The following AVL9 variants were observed in gnomAD, a reference collection of about 807,000 sequenced individuals.
The protein encoded by AVL9 is AVL9 cell migration associated.
A neutral mutation model predicts 79.2 loss-of-function variants in AVL9; 49 were observed. That is an observed-to-expected ratio of 0.62 (90% confidence interval 0.49 to 0.79). The LOEUF is 0.79. Ranked by LOEUF, AVL9 falls within the 30% of genes least tolerant of loss-of-function variation. The pLI is 0.00. For missense variants in AVL9, 682 were observed against 776.8 expected (o/e 0.88, Z 1.45); for synonymous variants, 299 against 280.6 (o/e 1.07, Z -0.65).
In AVL9 at chr7:32,558,931, A is replaced by G. The variant is rs765297064; in HGVS notation, c.682A>G (p.Met228Val). 6.4e-7 allele frequency: 1 copy of G among 1,569,456 alleles called. No homozygotes were observed. The highest frequency in any genetic ancestry group is 1.9e-5 in the Admixed American group (1 of 52,232). Residue 228 changes from methionine (M) to valine (V), a missense_variant and splice_region_variant, in exon 10 of 16, where the codon ATG becomes GTG. Transcript: ENST00000318709. Reference sequence around the variant, plus strand: ...TTCTTTGATATTGCATATTTTAGGCATGATTGAACATGGTCTCAGTGACTG... The same window carrying G: ...TTCTTTGATATTGCATATTTTAGGCGTGATTGAACATGGTCTCAGTGACTG... ...LMTVLSLFPG[M>V]IEHGLSDCSQ...
intron 3 of AVL9, among the ~76,000 whole-genome samples, chr7:32,545,939 G>T (rs1234038795): frequency 6.6e-6 from 1 of 152,090 alleles, no homozygotes; most frequent in Non-Finnish European, 1.5e-5. Flanking sequence ...CGCCCCAAAA[G>T]ATTCTGATTT....
intron 1 of AVL9, among the ~76,000 whole-genome samples, chr7:32,521,246 G>A (rs183701637): frequency 3.9e-3 from 592 of 152,294 alleles, no homozygotes; most frequent in Non-Finnish European, 6.5e-3. Context: ...GTAACAGGCA[G>A]AGGTTGGAAC....
rs185750830 is a variant in AVL9 at position 32,548,109 on chromosome 7, A to G, written c.301-738A>G. ...TAACAAAATTGCTGGCAGTTCTTCC[A>G]TCTCTGGAGAACAAGCTGTCTGTTT... On this transcript the variant is annotated intron_variant, in intron 3 of 15. Coordinates refer to ENST00000318709, the MANE Select transcript of AVL9 (RefSeq NM_015060.3). Among the ~76,000 whole-genome samples, 834 of 149,646 alleles carry G rather than the reference A, an allele frequency of 5.6e-3. 3 individuals carry two copies. The highest frequency in any genetic ancestry group is 9.3e-3 in the Non-Finnish European group (627 of 67,474).
In AVL9 at chr7:32,512,382, A is replaced by T. The variant is rs903695729; in HGVS notation, c.93+16580A>T. On this transcript the variant is annotated intron_variant, in intron 1 of 15. Transcript: ENST00000318709. The stretch of plus-strand genomic sequence containing the variant: ...CATTTACCTCACTGTGTGAATGCAC[A>T]TGATTAGAGATGTTACGTTATTTTA... Among the ~76,000 whole-genome samples, 5 of 140,996 alleles carry T rather than the reference A, an allele frequency of 3.5e-5. No homozygotes were observed. In the East Asian group the frequency reaches 6.2e-4, roughly 18 times the overall value. The allele number at this position is 140,996 out of a possible 152,430, so 92.5% of individuals were successfully genotyped here.
intron 1 of AVL9, among the ~76,000 whole-genome samples, chr7:32,525,660 T>G (rs1283606801): frequency 6.6e-6 from 1 of 152,194 alleles, no homozygotes; most frequent in East Asian, 1.9e-4. Context: ...GATTATAAGA[T>G]TATAACTTTT....
At chr7:32,532,684 AT>A (rs1251642539) in intron 1 of AVL9, 1 of 152,226 alleles carries the variant, frequency 6.6e-6, no homozygotes. Flanking sequence ...AACAGCCTTT[AT>A]TCACTTGAAT....
chr7:32,540,938 G>A (rs1480633509), intron 1 of AVL9, among the ~76,000 whole-genome samples: 3 of 123,194 alleles, frequency 2.4e-5, no homozygotes, highest in Non-Finnish European at 4.8e-5. Flanking sequence ...TCGCTCTGTC[G>A]CCCAGGCTGG....
At chr7:32,573,450 G>A in intron 12 of AVL9, 32 bp downstream of exon 12, 1 of 1,554,946 alleles carries the variant, frequency 6.4e-7, no homozygotes, top group Non-Finnish European at 8.8e-7. Flanking sequence ...ACAGCTACCT[G>A]TTTTATTATA....
rs1401491484 is a variant in AVL9, at chr7:32,571,678, AG to A, written c.1351-1520del. Among the ~76,000 whole-genome samples the A allele has an allele frequency of 2.5e-4, 11 of 44,372 alleles. No individual in the cohort carries two copies. The East Asian group carries it at 4.1e-3, about 16-fold the overall frequency. The allele number at this position is 44,372 out of a possible 152,430, so 29.1% of individuals were successfully genotyped here. A position where few individuals can be genotyped will look rare whatever the true frequency, so the allele number is the denominator to read the frequency against. On this transcript the variant is annotated intron_variant, in intron 11 of 15. Transcript: ENST00000318709. ...TTTATTATAATCCCAAATTTGAAGA[AG>A]AAAAAGTACATTTTCCAAGACAGGA...
intron 1 of AVL9, among the ~76,000 whole-genome samples, chr7:32,529,013 A>T (rs1788524329): frequency 6.6e-6 from 1 of 152,192 alleles, no homozygotes; most frequent in Admixed American, 6.5e-5. Flanking sequence ...GCATCTCAAA[A>T]AACAAAAAAA....
At chr7:32,509,929 C>T (rs956983434) in intron 1 of AVL9, among the ~76,000 whole-genome samples, 1 of 152,204 alleles carries the variant, frequency 6.6e-6, no homozygotes, top group Non-Finnish European at 1.5e-5. Flanking sequence ...AGGCAAAATA[C>T]AGTTAGTAAT....
rs1791634500 is a variant in AVL9 at position 32,583,806 on chromosome 7, GGAGCTTTTTCCAGTGCAAA to G, written c.1849_1867del (p.Ala617GlnfsTer73). The G allele has an allele frequency of 6.2e-7, 1 of 1,613,432 alleles. No homozygotes were observed. The highest frequency in any genetic ancestry group is 8.5e-7 in the Non-Finnish European group (1 of 1,179,566). On this transcript the variant is annotated frameshift_variant, in exon 16 of 16. Coordinates refer to ENST00000318709, the MANE Select transcript of AVL9 (RefSeq NM_015060.3). LOFTEE classifies it high-confidence loss of function. ...TCTCCATCCAGGCCAGTCAGTTGGA[GGAGCTTTTTCCAGTGCAAA>G]GACAGCTATGTCTTCATGGCTTTCC... is the stretch of plus-strand genomic sequence containing the variant.
intron 7 of AVL9, 64 bp from the exon 8 acceptor site, chr7:32,554,494 G>T: frequency 9.8e-7 from 1 of 1,022,646 alleles, no homozygotes; most frequent in Non-Finnish European, 1.4e-6. Context: ...TTTTAGGAGG[G>T]GAAAAGATGA....
At chr7:32,505,065 G>A (rs1333579852) in intron 1 of AVL9, among the ~76,000 whole-genome samples, 1 of 151,360 alleles carries the variant, frequency 6.6e-6, no homozygotes, top group East Asian at 2.0e-4. Flanking sequence ...GTAGGAACAG[G>A]GTTTCACCAT....
chr7:32,509,699 A>G (rs934327881), intron 1 of AVL9, among the ~76,000 whole-genome samples: 1 of 152,068 alleles, frequency 6.6e-6, no homozygotes, highest in African/African-American at 2.4e-5. Flanking sequence ...AAAATACAAA[A>G]AATTAGCCAG....
chr7:32,529,636 A>G (rs1200310268), intron 1 of AVL9, among the ~76,000 whole-genome samples: 1 of 152,184 alleles, frequency 6.6e-6, no homozygotes, highest in Non-Finnish European at 1.5e-5. Context: ...TAGGACTGGA[A>G]CTCAATGCTT....
intron 15 of AVL9, among the ~76,000 whole-genome samples, chr7:32,583,394 T>A (rs1421968067): frequency 1.3e-5 from 2 of 152,204 alleles, no homozygotes; most frequent in Non-Finnish European, 2.9e-5. Context: ...TATTGATGTG[T>A]TCTAGTGAAT....
intron 13 of AVL9, among the ~76,000 whole-genome samples, chr7:32,577,740 A>C (rs947652141): frequency 6.6e-6 from 1 of 152,230 alleles, no homozygotes; most frequent in Non-Finnish European, 1.5e-5. Flanking sequence ...GAGTTTTAAA[A>C]GGATTATGAA....
chr7:32,533,734 A>G, intron 1 of AVL9: 1 of 152,218 alleles, frequency 6.6e-6, no homozygotes, highest in East Asian at 1.9e-4. Context: ...TCTCTGAGAT[A>G]CCGAGAAAGG....
Sources: allele counts gnomAD v4.1 joint callset (sites outside exome capture counted in the v4.1 genomes callset), GRCh38; gene constraint gnomAD v4.1.1; transcripts MANE v1.5; gene names NCBI Gene and HGNC (gene_info 2026-07-23, HGNC 2026-07-21).